SRSF10: variants seen among roughly 807,000 people sequenced by gnomAD.
SRSF10 encodes the protein serine and arginine rich splicing factor 10.
A neutral mutation model predicts 32.6 loss-of-function variants in SRSF10; 9 were observed. The ratio of observed to expected loss-of-function variants is 0.28; its 90% CI spans 0.17 to 0.48. The LOEUF is 0.48. Among genes scored for constraint, SRSF10 ranks in the 20% least tolerant of loss-of-function variants. SRSF10 has a pLI of 0.99. For missense variants in SRSF10, 201 were observed against 331.8 expected (o/e 0.61, Z 3.06); for synonymous variants, 105 against 112.4 (o/e 0.93, Z 0.42).
rs776918000 is a variant in SRSF10, at chr1:23,971,880, T to A, written c.407A>T (p.Tyr136Phe). Residue 136 changes from tyrosine (Y) to phenylalanine (F), a missense_variant, in exon 4 of 6, where the codon TAC (tyrosine) becomes TTC (phenylalanine). By Grantham distance (22) the Tyr-to-Phe change is conservative. Coordinates refer to ENST00000492112, the MANE Select transcript of SRSF10 (RefSeq NM_054016.4). ...AGGACTATACGATCTTCTATAGTTG[T>A]AATCAAAAGACCGACTTCTTGATCT... Reference protein sequence around the residue: ...RRRSRSRSFDYNYRRSYSPRN... With the variant: ...RRRSRSRSFDFNYRRSYSPRN... 15 of 1,609,754 alleles carry A rather than the reference T, an allele frequency of 9.3e-6. No individual in the cohort carries two copies. The highest frequency in any genetic ancestry group is 9.3e-6 in the Non-Finnish European group (11 of 1,178,740).
intron 2 of SRSF10, chr1:23,977,485 T>A (rs1024347201): frequency 6.6e-6 from 1 of 152,134 alleles, no homozygotes; most frequent in South Asian, 2.1e-4. Flanking sequence ...TTTATATGTG[T>A]CCCCAGCAAC....
Position 23,969,855 on chromosome 1 carries a change from C to A in SRSF10, c.*1287G>T, listed in dbSNP as rs1641638852. The A allele has an allele frequency of 1.0e-6, 1 of 985,278 alleles. No individual in the cohort carries two copies. Among genetic ancestry groups the A allele is most frequent in the Non-Finnish European group, 1.2e-6 (1 of 829,924 alleles). 61.0% of individuals were successfully genotyped at this position (985,278 alleles called of 1,614,324 possible). A position where few individuals can be genotyped will look rare whatever the true frequency, so the allele number is the denominator to read the frequency against. On this transcript the variant is annotated 3_prime_UTR_variant, in exon 6 of 6. Coordinates refer to ENST00000492112, the MANE Select transcript of SRSF10 (RefSeq NM_054016.4). ...AATTACCTTAAATTTCATGGCACCA[C>A]AGAATCACCTAGAATGAGTGTTGTC...
chr1:23,972,982 T>C (rs1167427272), intron 3 of SRSF10, among the ~76,000 whole-genome samples: 1 of 151,794 alleles, frequency 6.6e-6, no homozygotes, highest in African/African-American at 2.4e-5. Flanking sequence ...TCAGGTGATC[T>C]GCCCCTGCCC....
In SRSF10 at chr1:23,969,550, G is replaced by A. The variant is rs1354004675; in HGVS notation, c.*1592C>T. On this transcript the variant is annotated 3_prime_UTR_variant, in exon 6 of 6. Transcript: ENST00000492112. ...AGGCAAAGCCTAGATTACTAAAACC[G>A]AAATTGAAAAAAGTAATCCTCTAAA... The A allele has an allele frequency of 2.8e-4, 278 of 984,910 alleles. No individual in the cohort carries two copies. Among genetic ancestry groups the A allele is most frequent in the Non-Finnish European group, 3.2e-4 (262 of 829,662 alleles). 61.0% of individuals were successfully genotyped at this position (984,910 alleles called of 1,614,324 possible).
At chr1:23,978,310 A>G (rs1465130099) in intron 2 of SRSF10, 9 of 994,512 alleles carry the variant, frequency 9.0e-6, no homozygotes, top group South Asian at 4.4e-5. Flanking sequence ...TTAGGGGACA[A>G]TATTAAAGAA....
rs1218643447 is a variant in SRSF10 at position 23,971,608 on chromosome 1, T to C, written c.456A>G (p.Arg152=). 25 of 1,610,980 alleles carry C rather than the reference T, an allele frequency of 1.6e-5. No individual in the cohort carries two copies. Among genetic ancestry groups the C allele is most frequent in the Non-Finnish European group, 1.9e-5 (23 of 1,179,874 alleles). The change falls in exon 5 of 6, where the codon AGA becomes AGG. Residue 152 remains arginine (R), a synonymous_variant. Transcript: ENST00000492112. ...YSPRNSRPTG[R]PRRSRSHSDN... is the part of the protein sequence containing the mutation. Reference sequence around the variant, plus strand: ...CGGAATGGCTTCTGCTACGCCGTGGTCTTCCAGTCGGTCTACTGCTAAAAA... The same window carrying C: ...CGGAATGGCTTCTGCTACGCCGTGGCCTTCCAGTCGGTCTACTGCTAAAAA...
At position 23,967,848 on chromosome 1, in the gene SRSF10, T is replaced by C. The variant is rs1057170288; in HGVS notation, c.*3294A>G. ...CCAAATTTTCAAGAGAATAATACAATAGTTCCCAGGTCTTTCCCCTGGGAT... is the reference window on the plus strand; with the variant it reads ...CCAAATTTTCAAGAGAATAATACAACAGTTCCCAGGTCTTTCCCCTGGGAT... On this transcript the variant is annotated 3_prime_UTR_variant, in exon 6 of 6. Coordinates refer to ENST00000492112, the MANE Select transcript of SRSF10 (RefSeq NM_054016.4). The C allele has an allele frequency of 1.9e-6, 3 of 1,554,838 alleles. No individual in the cohort carries two copies. The highest frequency in any genetic ancestry group is 2.6e-6 in the Non-Finnish European group (3 of 1,148,480).
chr1:23,972,255 A>G (rs1489844124), intron 3 of SRSF10, among the ~76,000 whole-genome samples: 1 of 152,022 alleles, frequency 6.6e-6, no homozygotes, highest in African/African-American at 2.4e-5. Context: ...ACAAAAAATA[A>G]TTAGCTGGGC....
rs1413450354 is a variant in SRSF10 at position 23,978,614 on chromosome 1, G to C, written c.170+99C>G. 57 of 1,398,562 alleles carry C rather than the reference G, an allele frequency of 4.1e-5. 1 individual carries two copies. In the South Asian group the frequency reaches 4.3e-4, roughly 11 times the overall value. 86.6% of individuals were successfully genotyped at this position (1,398,562 alleles called of 1,614,324 possible). A position where few individuals can be genotyped will look rare whatever the true frequency, so the allele number is the denominator to read the frequency against. Reference sequence around the variant, plus strand: ...AAAATTTGAAGACAGACATTTATTAGAGGACAAAAAGAACTACTTTTTAGA... The same window carrying C: ...AAAATTTGAAGACAGACATTTATTACAGGACAAAAAGAACTACTTTTTAGA... On this transcript the variant is annotated intron_variant, in intron 2 of 5. Coordinates refer to ENST00000492112, the MANE Select transcript of SRSF10 (RefSeq NM_054016.4).
chr1:23,976,824 T>C (rs1242650345), intron 2 of SRSF10: 1 of 152,244 alleles, frequency 6.6e-6, no homozygotes, highest in Non-Finnish European at 1.5e-5. Context: ...TTATGGTCTT[T>C]TCAAAAATGA....
At position 23,969,339 on chromosome 1, in the gene SRSF10, T is replaced by C; in HGVS notation, c.*1803A>G. 2 of 985,278 alleles carry C rather than the reference T, an allele frequency of 2.0e-6. No homozygotes were observed. The highest frequency in any genetic ancestry group is 2.4e-6 in the Non-Finnish European group (2 of 829,492). 61.0% of individuals were successfully genotyped at this position (985,278 alleles called of 1,614,324 possible). A position where few individuals can be genotyped will look rare whatever the true frequency, so the allele number is the denominator to read the frequency against. ...GACTTTTTGTTGTTTAAACTATACA[T>C]CCAGGAAAATCTAAAAAAATTAAAG... On this transcript the variant is annotated 3_prime_UTR_variant, in exon 6 of 6. Transcript: ENST00000492112.
intron 2 of SRSF10, chr1:23,976,657 C>T (rs886376791): frequency 6.6e-6 from 1 of 152,160 alleles, no homozygotes; most frequent in South Asian, 2.1e-4. Context: ...GGGCTACCCT[C>T]GAAAACAGAA....
intron 2 of SRSF10, 123 bp downstream of exon 2, chr1:23,978,590 A>C (rs1209483301): frequency 9.3e-6 from 12 of 1,284,144 alleles, no homozygotes; most frequent in Non-Finnish European, 1.1e-5. Context: ...TAATTTTCAA[A>C]AATTTGAAGA....
rs1467855522 is a variant in SRSF10, at chr1:23,969,677, A to C, written c.*1465T>G. 4.1e-6 allele frequency: 4 copies of C among 985,124 alleles called. No homozygotes were observed. The highest frequency in any genetic ancestry group is 4.8e-6 in the Non-Finnish European group (4 of 829,734). The allele number at this position is 985,124 out of a possible 1,614,324, so 61.0% of individuals were successfully genotyped here. ...TTCTGAAATGAAATTGGACATGTCA[A>C]GTCACTTTTGTCCCCAAAACGATCT... On this transcript the variant is annotated 3_prime_UTR_variant, in exon 6 of 6. Coordinates refer to ENST00000492112, the MANE Select transcript of SRSF10 (RefSeq NM_054016.4).
Position 23,975,064 on chromosome 1 carries a change from G to A in SRSF10, c.184C>T (p.Arg62Cys). Residue 62 changes from arginine (R) to cysteine (C), a missense_variant, in exon 3 of 6, where the codon CGT becomes TGT. Transcript: ENST00000492112. ...GFAYVQFEDV[R>C]DAEDALHNLD... ...TTATGTAAAGCGTCTTCAGCATCAC[G>A]AACATCCTCAAATGTGCTAAATGTT... is the stretch of plus-strand genomic sequence containing the variant. 2 of 1,613,814 alleles carry A rather than the reference G, an allele frequency of 1.2e-6. No individual in the cohort carries two copies. The highest frequency in any genetic ancestry group is 1.7e-6 in the Non-Finnish European group (2 of 1,179,780).
chr1:23,972,158 C>T, intron 3 of SRSF10, 146 bp from the exon 4 acceptor site: 1 of 634,834 alleles, frequency 1.6e-6, no homozygotes, highest in Non-Finnish European at 2.4e-6. Context: ...CCTGTGATCC[C>T]ACTACTTTGG....
Position 23,971,313 on chromosome 1 carries a change from T to C in SRSF10, c.618A>G (p.Arg206=). 6.2e-7 allele frequency: 1 copy of C among 1,613,450 alleles called. No individual in the cohort carries two copies. Among genetic ancestry groups the C allele is most frequent in the Non-Finnish European group, 8.5e-7 (1 of 1,179,900 alleles). The change falls in exon 6 of 6, where the codon AGA becomes AGG. Residue 206 remains arginine (R), a synonymous_variant. Coordinates refer to ENST00000492112, the MANE Select transcript of SRSF10 (RefSeq NM_054016.4). ...RSRSASHTKT[R]GTSKTDSKTH... Reference sequence around the variant, plus strand: ...TTTTGGAATCTGTTTTAGAGGTGCCTCTAGTTTTGGTGTGAGATGCAGACC... The same window carrying C: ...TTTTGGAATCTGTTTTAGAGGTGCCCCTAGTTTTGGTGTGAGATGCAGACC...
At position 23,971,850 on chromosome 1, in the gene SRSF10, T is replaced by C; in HGVS notation, c.437A>G (p.Asn146Ser). 6.2e-7 allele frequency: 1 copy of C among 1,601,506 alleles called. No individual in the cohort carries two copies. The highest frequency in any genetic ancestry group is 8.5e-7 in the Non-Finnish European group (1 of 1,176,624). Residue 146 changes from asparagine to serine, a missense_variant and splice_region_variant, in exon 4 of 6, where the codon AAC (asparagine) becomes AGC (serine). Physicochemically the swap from Asn to Ser is conservative, Grantham distance 46. Around this residue, in one of 3 missense-constraint regions of SRSF10, gnomAD observed 159 missense variants for 196.7 expected, o/e 0.81. Transcript: ENST00000492112. ...YNYRRSYSPR[N>S]SRPTGRPRRS... ...TCACTGTGCTACACAGCACACTTAC[T>C]TTCTAGGACTATACGATCTTCTATA...
chr1:23,971,634 G>A lies in SRSF10; in HGVS notation c.438-8C>T. 6.2e-7 allele frequency: 1 copy of A among 1,608,920 alleles called. No homozygotes were observed. The highest frequency in any genetic ancestry group is 8.5e-7 in the Non-Finnish European group (1 of 1,179,284). On this transcript the variant is annotated splice_polypyrimidine_tract_variant and splice_region_variant and intron_variant, in intron 4 of 5. Transcript: ENST00000492112. Reference sequence around the variant, plus strand: ...CTTCCAGTCGGTCTACTGCTAAAAAGCATATCAGAAAAAGCAGTGACAAAT... The same window carrying A: ...CTTCCAGTCGGTCTACTGCTAAAAAACATATCAGAAAAAGCAGTGACAAAT...
Sources: gnomAD v4.1 joint callset for allele counts (sites outside exome capture counted in the v4.1 genomes callset) on GRCh38, gnomAD v4.1.1 for gene constraint, gnomAD v4.1.1 regional missense constraint, MANE v1.5 for transcripts, NCBI Gene and HGNC (gene_info 2026-07-23, HGNC 2026-07-21) for gene names.